CAMTA1: variants seen among roughly 807,000 people sequenced by gnomAD.
CAMTA1 encodes calmodulin-binding transcription activator 1.
A neutral mutation model predicts 170.9 loss-of-function variants in CAMTA1; 27 were observed. The observed-to-expected ratio is 0.16, with a 90% CI of 0.12 to 0.22. The LOEUF (loss-of-function observed/expected upper bound fraction) is 0.22, where lower values mean the gene tolerates loss of function less well. Ranked by LOEUF, CAMTA1 falls within the 10% of genes least tolerant of loss-of-function variation. CAMTA1 has a pLI of 1.00. For synonymous variants in CAMTA1, 833 were observed against 891.5 expected (o/e 0.93, Z 1.17); for missense variants, 1,619 against 2,217.2 (o/e 0.73, Z 5.42).
intron 1 of CAMTA1, among the ~76,000 whole-genome samples, chr1:6,803,369 T>C (rs1220354135): frequency 6.6e-6 from 1 of 152,236 alleles, no homozygotes; most frequent in African/African-American, 2.4e-5. Context: ...GCTGCCTGTG[T>C]GCACAGTCCT....
At chr1:7,209,650 C>T (rs1013722602) in intron 4 of CAMTA1, among the ~76,000 whole-genome samples, 1 of 152,122 alleles carries the variant, frequency 6.6e-6, no homozygotes, top group Non-Finnish European at 1.5e-5. Flanking sequence ...CTCCACAGGT[C>T]GCAGTGGTTG....
At chr1:7,550,369 G>T (rs554628725) in intron 6 of CAMTA1, among the ~76,000 whole-genome samples, 2 of 151,992 alleles carry the variant, frequency 1.3e-5, no homozygotes, top group African/African-American at 4.8e-5. Flanking sequence ...TGCCTCAAGA[G>T]TGTGGCCCTG....
intron 5 of CAMTA1, among the ~76,000 whole-genome samples, chr1:7,380,906 C>G (rs574179377): frequency 6.6e-6 from 1 of 152,182 alleles, no homozygotes; most frequent in African/African-American, 2.4e-5. Flanking sequence ...ACAATGAGAG[C>G]AGTGGCTAGT....
At chr1:7,197,398 C>T (rs776826281) in intron 4 of CAMTA1, among the ~76,000 whole-genome samples, 1 of 152,028 alleles carries the variant, frequency 6.6e-6, no homozygotes, top group Non-Finnish European at 1.5e-5. Context: ...TTTCCAAAGA[C>T]CAGGAGATGC....
In CAMTA1 at chr1:7,570,215, C is replaced by G. The variant is rs2095109019; in HGVS notation, c.511-70185C>G. 6.6e-6 allele frequency among the ~76,000 whole-genome samples: 1 copy of G among 152,178 alleles called. No homozygotes were observed. Among genetic ancestry groups the G allele is most frequent in the Non-Finnish European group, 1.5e-5 (1 of 68,032 alleles). ...CCTCACGCCACCTCCTTCCTGTGAT[C>G]CAATCCTGAAATTCATCCAGGAGAG... On this transcript the variant is annotated intron_variant, in intron 6 of 22. Coordinates refer to ENST00000303635, the MANE Select transcript of CAMTA1 (RefSeq NM_015215.4). This position sits in a 1 kb window ranked among gnomAD's most constrained non-coding sequence, Gnocchi z 4.3.
intron 3 of CAMTA1, among the ~76,000 whole-genome samples, chr1:6,990,286 AT>A (rs924771274): frequency 4.6e-5 from 7 of 152,028 alleles, no homozygotes; most frequent in African/African-American, 1.5e-4. Context: ...GTGTCTCACA[AT>A]TTTTTTTCTT....
chr1:7,024,580 G>A (rs1701796071), intron 3 of CAMTA1, among the ~76,000 whole-genome samples: 1 of 152,224 alleles, frequency 6.6e-6, no homozygotes, highest in South Asian at 2.1e-4. Context: ...AAGCATCTGT[G>A]TGTATCTGTT....
intron 6 of CAMTA1, among the ~76,000 whole-genome samples, chr1:7,509,078 C>T (rs934185063): frequency 7.9e-5 from 12 of 152,178 alleles, no homozygotes; most frequent in Non-Finnish European, 1.3e-4. Context: ...AGGCAAGATA[C>T]TCACCCCACT....
At chr1:7,430,452 A>T (rs2092105590) in intron 5 of CAMTA1, among the ~76,000 whole-genome samples, 1 of 151,720 alleles carries the variant, frequency 6.6e-6, no homozygotes, top group Non-Finnish European at 1.5e-5. Context: ...GATAATAACG[A>T]TGGTGATGGT....
chr1:7,108,343 C>T (rs572548847), intron 4 of CAMTA1, among the ~76,000 whole-genome samples: 7 of 152,162 alleles, frequency 4.6e-5, no homozygotes, highest in South Asian at 2.1e-4. Context: ...ATGAGTGAAG[C>T]GTGTTAAGAA....
chr1:7,204,319 G>T (rs1424400117), intron 4 of CAMTA1, among the ~76,000 whole-genome samples: 2 of 151,936 alleles, frequency 1.3e-5, no homozygotes, highest in Admixed American at 6.6e-5. Flanking sequence ...ATATTTTTGG[G>T]GGAGAAGAAG....
chr1:7,025,501 G>C (rs771458539), intron 3 of CAMTA1, among the ~76,000 whole-genome samples: 1 of 152,332 alleles, frequency 6.6e-6, no homozygotes, highest in African/African-American at 2.4e-5. Flanking sequence ...TTACTGGGGT[G>C]GGGGAGGTAG....
At chr1:6,885,411 A>G (rs1300059963) in intron 3 of CAMTA1, among the ~76,000 whole-genome samples, 6 of 152,214 alleles carry the variant, frequency 3.9e-5, no homozygotes, top group South Asian at 2.1e-4. Flanking sequence ...ATTATTTTCT[A>G]TTTATACCTG....
chr1:7,575,300 C>T (rs1027773483), intron 6 of CAMTA1, among the ~76,000 whole-genome samples: 1 of 151,964 alleles, frequency 6.6e-6, no homozygotes, highest in Admixed American at 6.5e-5. Flanking sequence ...CACACTGCCC[C>T]GACTCTGTCT....
Position 7,219,744 on chromosome 1 carries a change from G to A in CAMTA1, c.303-29747G>A, listed in dbSNP as rs1255009434. ...GATAGGATTAGTGCCCTTATAAGAA[G>A]AGGAAGAGGGGCCTGGTGTGGTGGC... On this transcript the variant is annotated intron_variant, in intron 4 of 22. Coordinates refer to ENST00000303635, the MANE Select transcript of CAMTA1 (RefSeq NM_015215.4). 5.3e-5 allele frequency among the ~76,000 whole-genome samples: 8 copies of A among 152,020 alleles called. No homozygotes were observed. In the East Asian group the frequency reaches 1.4e-3, roughly 26 times the overall value.
intron 11 of CAMTA1, among the ~76,000 whole-genome samples, chr1:7,726,140 G>A (rs2096684482): frequency 6.6e-6 from 1 of 152,254 alleles, no homozygotes; most frequent in South Asian, 2.1e-4. Flanking sequence ...CTTACCCAGA[G>A]GGGTTAAGAG....
chr1:7,147,217 G>A (rs935180995), intron 4 of CAMTA1, among the ~76,000 whole-genome samples: 27 of 152,018 alleles, frequency 1.8e-4, no homozygotes. Context: ...TCAAGAGATT[G>A]AGACCATCCT....
intron 3 of CAMTA1, among the ~76,000 whole-genome samples, chr1:6,979,835 C>T (rs943945839): frequency 4.6e-5 from 7 of 151,802 alleles, no homozygotes; most frequent in Admixed American, 1.3e-4. Flanking sequence ...ACACTGTCCT[C>T]TCATGGTGGT....
At chr1:7,711,720 T>A (rs2096572029) in intron 11 of CAMTA1, among the ~76,000 whole-genome samples, 1 of 152,204 alleles carries the variant, frequency 6.6e-6, no homozygotes, top group South Asian at 2.1e-4. Flanking sequence ...TATTTAAATA[T>A]CCTCTTTTCT....
Sources: gnomAD v4.1 joint callset for allele counts (sites outside exome capture counted in the v4.1 genomes callset) on GRCh38, gnomAD v4.1.1 for gene constraint, Gnocchi (gnomAD v3.1) non-coding constraint, MANE v1.5 for transcripts, NCBI Gene and HGNC (gene_info 2026-07-23, HGNC 2026-07-21) for gene names.